The following FSTL4 variants were observed in gnomAD, a reference collection of about 807,000 sequenced individuals.
FSTL4 encodes follistatin-related protein 4.
A neutral mutation model predicts 78.2 loss-of-function variants in FSTL4; 28 were observed. That is an observed-to-expected ratio of 0.36 (90% confidence interval 0.27 to 0.49). FSTL4 has a LOEUF of 0.49. Ranked by LOEUF, FSTL4 falls within the 20% of genes least tolerant of loss-of-function variation. The probability of loss-of-function intolerance (pLI) is 0.98; values close to 1 mark genes in which losing one functional copy is unlikely to be tolerated. For missense variants in FSTL4, 922 were observed against 1,084.9 expected (o/e 0.85, Z 2.11); for synonymous variants, 422 against 440.5 (o/e 0.96, Z 0.53).
chr5:133,803,917 T>C, the FSTL4 span, among the ~76,000 whole-genome samples: 1 of 152,150 alleles, frequency 6.6e-6, no homozygotes, highest in South Asian at 2.1e-4. Context: ...AGAGAAGCCC[T>C]GATTTTCAGG....
chr5:133,298,201 T>C (rs1461602013), intron 6 of FSTL4, among the ~76,000 whole-genome samples: 4 of 152,348 alleles, frequency 2.6e-5, no homozygotes, highest in Non-Finnish European at 4.4e-5. Flanking sequence ...CAAGGATTAA[T>C]GAATTCACTT....
At chr5:133,740,900 C>A in the FSTL4 span, among the ~76,000 whole-genome samples, 4 of 152,046 alleles carry the variant, frequency 2.6e-5, no homozygotes, top group East Asian at 7.7e-4. Context: ...GAATCCTAAT[C>A]TTTCCTTTTA....
In FSTL4 at chr5:133,495,727, C is replaced by G. The variant is rs10055685; in HGVS notation, c.160+71459G>C. 8.8e-3 allele frequency among the ~76,000 whole-genome samples: 1,333 copies of G among 152,262 alleles called. 25 individuals are homozygous for G. The highest frequency in any genetic ancestry group is 0.03 in the African/African-American group (1,254 of 41,528). The stretch of plus-strand genomic sequence containing the variant: ...GAGGCAACCTTGTGTAAACTAGTGG[C>G]CTTCTGTCCACTTTTGCAATTTGCA... On this transcript the variant is annotated intron_variant, in intron 3 of 15. Transcript: ENST00000265342.
At chr5:133,825,734 G>A in the FSTL4 span, among the ~76,000 whole-genome samples, 1 of 152,192 alleles carries the variant, frequency 6.6e-6, no homozygotes, top group Non-Finnish European at 1.5e-5. Flanking sequence ...TTGTGCCAGG[G>A]AGCACGGAGG....
At chr5:133,472,257 C>T (rs1284966004) in intron 3 of FSTL4, among the ~76,000 whole-genome samples, 1 of 152,114 alleles carries the variant, frequency 6.6e-6, no homozygotes, top group Non-Finnish European at 1.5e-5. Context: ...AGTACAAGTA[C>T]AGAATGAAAG....
chr5:133,539,589 A>G (rs1018945985), intron 3 of FSTL4, among the ~76,000 whole-genome samples: 6 of 152,132 alleles, frequency 3.9e-5, no homozygotes, highest in Non-Finnish European at 7.3e-5. Flanking sequence ...CAGTTCTGCA[A>G]TTTAGCCAGT....
chr5:133,681,824 G>A, the FSTL4 span, among the ~76,000 whole-genome samples: 4 of 152,114 alleles, frequency 2.6e-5, no homozygotes, highest in Non-Finnish European at 4.4e-5. Flanking sequence ...TCGTCCTTGG[G>A]TCCCTCTTGT....
chr5:133,316,344 T>C, intron 5 of FSTL4, 115 bp downstream of exon 5: 1 of 746,380 alleles, frequency 1.3e-6, no homozygotes, highest in Non-Finnish European at 2.2e-6. Context: ...CTCATTTTGT[T>C]TGTGAGATGT....
At chr5:133,792,020 G>C in the FSTL4 span, among the ~76,000 whole-genome samples, 2 of 152,378 alleles carry the variant, frequency 1.3e-5, no homozygotes, top group East Asian at 3.9e-4. Context: ...GTAGGCAAAA[G>C]CAAACCTTAG....
rs141412894 is a variant in FSTL4, at chr5:133,498,827, C to T, written c.160+68359G>A. ...CCCTCCCTACATATTCAATCCACAC[C>T]AACTCACTCACTTTTTATTGAGCAC... is the stretch of plus-strand genomic sequence containing the variant. On this transcript the variant is annotated intron_variant, in intron 3 of 15. Coordinates refer to ENST00000265342, the MANE Select transcript of FSTL4 (RefSeq NM_015082.2). 8.7e-3 allele frequency among the ~76,000 whole-genome samples: 1,316 copies of T among 152,026 alleles called. 23 individuals carry two copies. Among genetic ancestry groups the T allele is most frequent in the African/African-American group, 0.03 (1,237 of 41,412 alleles).
At chr5:133,235,318 A>G (rs1218664533) in intron 7 of FSTL4, among the ~76,000 whole-genome samples, 1 of 152,014 alleles carries the variant, frequency 6.6e-6, no homozygotes, top group Non-Finnish European at 1.5e-5. Context: ...TGTCTCTACT[A>G]AAAATACAAA....
At chr5:133,734,203 C>T in the FSTL4 span, among the ~76,000 whole-genome samples, 1 of 152,116 alleles carries the variant, frequency 6.6e-6, no homozygotes, top group Non-Finnish European at 1.5e-5. Context: ...CTTAAAACCA[C>T]CATAGCAAGC....
At chr5:133,648,556 C>T in the FSTL4 span, among the ~76,000 whole-genome samples, 5 of 152,134 alleles carry the variant, frequency 3.3e-5, no homozygotes. Context: ...GTACATCCAA[C>T]ACAATTCTAA....
intron 4 of FSTL4, among the ~76,000 whole-genome samples, chr5:133,323,550 G>T (rs1376839666): frequency 6.6e-6 from 1 of 152,224 alleles, no homozygotes; most frequent in African/African-American, 2.4e-5. Flanking sequence ...TGCCCCATCT[G>T]GGGCTTCTTG....
chr5:133,684,739 T>C, the FSTL4 span, among the ~76,000 whole-genome samples: 1 of 152,182 alleles, frequency 6.6e-6, no homozygotes, highest in Non-Finnish European at 1.5e-5. Flanking sequence ...TACAATTAAC[T>C]GGTGCATGGA....
At chr5:133,477,849 A>G (rs1757954809) in intron 3 of FSTL4, among the ~76,000 whole-genome samples, 1 of 152,232 alleles carries the variant, frequency 6.6e-6, no homozygotes, top group Non-Finnish European at 1.5e-5. Flanking sequence ...AATTTGCCCA[A>G]ATAATTAAAT....
intron 6 of FSTL4, among the ~76,000 whole-genome samples, chr5:133,290,476 C>T (rs1165083066): frequency 6.6e-6 from 1 of 152,240 alleles, no homozygotes; most frequent in Non-Finnish European, 1.5e-5. Flanking sequence ...ATCTGGCATC[C>T]CTGCTTCCCA....
intron 1 of FSTL4, among the ~76,000 whole-genome samples, chr5:133,609,166 A>C (rs1221466157): frequency 6.6e-6 from 1 of 152,216 alleles, no homozygotes; most frequent in Non-Finnish European, 1.5e-5. Flanking sequence ...GAAATTACAA[A>C]GATGATTTGG....
the FSTL4 span, among the ~76,000 whole-genome samples, chr5:133,714,293 A>C: frequency 6.6e-6 from 1 of 152,174 alleles, no homozygotes; most frequent in Non-Finnish European, 1.5e-5. Flanking sequence ...CCCTTTCTAC[A>C]AACCAGGCCC....
Sources: gnomAD v4.1 joint callset for allele counts (sites outside exome capture counted in the v4.1 genomes callset) on GRCh38, gnomAD v4.1.1 for gene constraint, MANE v1.5 for transcripts, NCBI Gene and HGNC (gene_info 2026-07-23, HGNC 2026-07-21) for gene names.